Variants in DOCK6 observed in about 807,000 individuals in gnomAD.
DOCK6 encodes the protein dedicator of cytokinesis protein 6.
Under a neutral mutation model 230.3 loss-of-function variants are expected in DOCK6, and 167 were observed. The ratio of observed to expected loss-of-function variants is 0.73; its 90% CI spans 0.64 to 0.82. The LOEUF is 0.82. Among genes scored for constraint, DOCK6 ranks in the 40% least tolerant of loss-of-function variants. The probability of loss-of-function intolerance (pLI) is 0.00; values close to 1 mark genes in which losing one functional copy is unlikely to be tolerated. For synonymous variants in DOCK6, 1,148 were observed against 1,185.0 expected (o/e 0.97, Z 0.64); for missense variants, 2,598 against 2,825.8 (o/e 0.92, Z 1.83).
At chr19:11,203,931 A>G (rs1421724999) in intron 41 of DOCK6, 150 bp downstream of exon 41, 26 of 1,033,192 alleles carry the variant, frequency 2.5e-5, no homozygotes, top group Non-Finnish European at 3.4e-5. Context: ...AAGGGAGGGA[A>G]ATAATGGGGT....
chr19:11,243,525 C>T lies in DOCK6; in HGVS notation c.1258+32G>A. The T allele has an allele frequency of 6.4e-7, 1 of 1,570,130 alleles. No individual in the cohort carries two copies. Among genetic ancestry groups the T allele is most frequent in the South Asian group, 1.2e-5 (1 of 85,848 alleles). On this transcript the variant is annotated intron_variant, in intron 11 of 47. Transcript: ENST00000294618. The surrounding 1 kb of genome is among the most constrained non-coding windows in gnomAD (Gnocchi z 6.3). The stretch of plus-strand genomic sequence containing the variant: ...GGCCTGTCAGCACCACCCTTTAGCC[C>T]CGCCCCAAGCCTGTTAGCCCCGCCT...
intron 39 of DOCK6, chr19:11,206,029 A>T (rs2079254692): frequency 6.6e-6 from 1 of 152,186 alleles, no homozygotes; most frequent in Non-Finnish European, 1.5e-5. Flanking sequence ...GGAACACCTG[A>T]CTTCAAGTGT....
intron 1 of DOCK6, among the ~76,000 whole-genome samples, chr19:11,258,577 C>A (rs111712147): frequency 6.6e-6 from 1 of 150,452 alleles, no homozygotes; most frequent in African/African-American, 2.4e-5. Flanking sequence ...GGATTACAGG[C>A]ACCCACCACC....
Position 11,214,552 on chromosome 19 carries a change from C to A in DOCK6, c.4203+1G>T. ...AAGGCAGATGCTGGATCAAGCCCTA[C>A]CTGCACGATGATCTCCAGTGTGTCC... On this transcript the variant is annotated splice_donor_variant, in intron 33 of 47. Transcript: ENST00000294618. LOFTEE classifies it high-confidence loss of function. 1 of 1,613,902 alleles carries A rather than the reference C, an allele frequency of 6.2e-7. No homozygotes were observed. The highest frequency in any genetic ancestry group is 8.5e-7 in the Non-Finnish European group (1 of 1,179,862).
chr19:11,245,718 G>C lies in DOCK6; in HGVS notation c.874-6C>G. The C allele has an allele frequency of 6.2e-7, 1 of 1,604,570 alleles. No individual in the cohort carries two copies. The highest frequency in any genetic ancestry group is 8.5e-7 in the Non-Finnish European group (1 of 1,174,428). ...AAGTAGAAGTTCTCCGAGATCTGGG[G>C]ACACCAGAGGCAGCTGGGCCACCAC... On this transcript the variant is annotated splice_polypyrimidine_tract_variant and splice_region_variant and intron_variant, in intron 8 of 47. Coordinates refer to ENST00000294618, the MANE Select transcript of DOCK6 (RefSeq NM_020812.4).
intron 28 of DOCK6, among the ~76,000 whole-genome samples, chr19:11,219,948 G>A (rs1285703554): frequency 6.6e-6 from 1 of 151,458 alleles, no homozygotes; most frequent in Non-Finnish European, 1.5e-5. Context: ...CAATTTTTTT[G>A]TTTTGTTTTT....
At chr19:11,255,367 C>T (rs993290955) in intron 1 of DOCK6, among the ~76,000 whole-genome samples, 46 of 150,438 alleles carry the variant, frequency 3.1e-4, no homozygotes, top group African/African-American at 1.1e-3. Context: ...TGTAGTGGCA[C>T]GATATCGGCT....
intron 7 of DOCK6, chr19:11,247,695 G>C (rs1267828443): frequency 5.6e-6 from 1 of 179,076 alleles, no homozygotes; most frequent in Non-Finnish European, 1.2e-5. Context: ...GCCAAACCCT[G>C]GATCCCAGCA....
rs930574926 is a variant in DOCK6, at chr19:11,201,283, T to C, written c.5689-231A>G. 6.6e-6 allele frequency among the ~76,000 whole-genome samples: 1 copy of C among 151,998 alleles called. No homozygotes were observed. The highest frequency in any genetic ancestry group is 1.5e-5 in the Non-Finnish European group (1 of 67,968). ...TTACCTCTGGGGTCTCCAGACTTCC[T>C]TGGGTCTGGAGGTAGAGATTTGGAC... On this transcript the variant is annotated intron_variant, in intron 44 of 47. Coordinates refer to ENST00000294618, the MANE Select transcript of DOCK6 (RefSeq NM_020812.4). The surrounding 1 kb of genome is among the most constrained non-coding windows in gnomAD (Gnocchi z 4.3).
chr19:11,238,849 C>G (rs2079893535), intron 14 of DOCK6: 1 of 157,948 alleles, frequency 6.3e-6, no homozygotes, highest in Non-Finnish European at 1.4e-5. Flanking sequence ...ATAATGGGCA[C>G]TTCAGGCCTT....
Position 11,227,456 on chromosome 19 carries a change from G to A in DOCK6, c.2836C>T (p.Leu946=), listed in dbSNP as rs1024073459. 1 of 1,596,700 alleles carries A rather than the reference G, an allele frequency of 6.3e-7. No homozygotes were observed. Among genetic ancestry groups the A allele is most frequent in the Non-Finnish European group, 8.5e-7 (1 of 1,172,288 alleles). The change falls in exon 24 of 48, where the codon CTG becomes TTG. Residue 946 remains leucine, a synonymous_variant. Coordinates refer to ENST00000294618, the MANE Select transcript of DOCK6 (RefSeq NM_020812.4). ...QLMVKSMALH[L]LLGQRLDTPR... ...GTGTCTAGTCGCTGGCCAAGCAGCA[G>A]GTGCAGCGCCATACTCTTCACCTGG...
chr19:11,236,457 G>T lies in DOCK6; in HGVS notation c.2281C>A (p.Leu761Ile). Residue 761 changes from leucine (L) to isoleucine (I), a missense_variant, in exon 20 of 48, where the codon CTT (leucine) becomes ATT (isoleucine). Transcript: ENST00000294618. This position sits in a 1 kb window ranked among gnomAD's most constrained non-coding sequence, Gnocchi z 5.2. ...GGGCTGGCCAGGCGCAGTGCTGCAA[G>T]ACTGGCCCGCAGCTCCTGCTCCACG... ...GNVEQELRASLAALRLASPEP... is the reference protein window; with the variant it reads ...GNVEQELRASIAALRLASPEP... The T allele has an allele frequency of 6.3e-7, 1 of 1,593,464 alleles. No individual in the cohort carries two copies. Among genetic ancestry groups the T allele is most frequent in the South Asian group, 1.1e-5 (1 of 87,396 alleles).
Position 11,223,002 on chromosome 19 carries a change from G to A in DOCK6, c.3060C>T (p.His1020=). The A allele has an allele frequency of 1.2e-6, 2 of 1,613,816 alleles. No individual in the cohort carries two copies. Among genetic ancestry groups the A allele is most frequent in the Non-Finnish European group, 1.7e-6 (2 of 1,179,844 alleles). ...RGFVFSLVRA[H]YKQVATRLQS... Reference sequence around the variant, plus strand: ...CCACGCCCACTCCTACCTGCTTGTAGTGGGCCCGGACCAGGCTGAAGACAA... The same window carrying A: ...CCACGCCCACTCCTACCTGCTTGTAATGGGCCCGGACCAGGCTGAAGACAA... The change falls in exon 25 of 48, where the codon CAC becomes CAT. Residue 1020 remains histidine (H), a synonymous_variant. Transcript: ENST00000294618.
At position 11,262,479 on chromosome 19, in the gene DOCK6, CCCG is replaced by C. The variant is rs755528452; in HGVS notation, c.-42_-40del. ...CGCCGCCGCCGCCCCGGGCCCCGGC[CCCG>C]CCGCCGCCGCCGCCTCCCGGTTCTG... is the stretch of plus-strand genomic sequence containing the variant. On this transcript the variant is annotated 5_prime_UTR_variant, in exon 1 of 48. Coordinates refer to ENST00000294618, the MANE Select transcript of DOCK6 (RefSeq NM_020812.4). 1.6e-4 allele frequency: 176 copies of C among 1,096,474 alleles called. No individual in the cohort carries two copies. Among genetic ancestry groups the C allele is most frequent in the East Asian group, 3.5e-4 (7 of 19,976 alleles). The allele number at this position is 1,096,474 out of a possible 1,614,324, so 67.9% of individuals were successfully genotyped here.
chr19:11,262,162 C>T (rs1033415537), intron 1 of DOCK6, among the ~76,000 whole-genome samples: 1 of 152,074 alleles, frequency 6.6e-6, no homozygotes, highest in Non-Finnish European at 1.5e-5. Context: ...GGCAGAACGG[C>T]AGCCGCCATC....
chr19:11,212,183 G>A, intron 35 of DOCK6, 32 bp from the exon 36 acceptor site: 1 of 1,592,966 alleles, frequency 6.3e-7, no homozygotes, highest in Non-Finnish European at 8.5e-7. Context: ...GGTGGAGCCG[G>A]GAGTCTCAGA....
chr19:11,223,557 A>G (rs1235945391), intron 24 of DOCK6, among the ~76,000 whole-genome samples: 2 of 152,210 alleles, frequency 1.3e-5, no homozygotes, highest in African/African-American at 2.4e-5. Context: ...AGCTATGGTT[A>G]TTTAAATCAC....
chr19:11,258,247 C>T (rs530978007), intron 1 of DOCK6, among the ~76,000 whole-genome samples: 1 of 152,284 alleles, frequency 6.6e-6, no homozygotes, highest in South Asian at 2.1e-4. Flanking sequence ...ATGGATGCAA[C>T]ACCTCATGAT....
chr19:11,242,190 T>A lies in DOCK6; in HGVS notation c.1498A>T (p.Ile500Phe). Reference sequence around the variant, plus strand: ...TGGGGATTTTCAGGAGCCGGAGAAATGTCGATCTTGAGCTGGGCTGGGAAG... The same window carrying A: ...TGGGGATTTTCAGGAGCCGGAGAAAAGTCGATCTTGAGCTGGGCTGGGAAG... ...RPVTAQLKID[I>F]SPAPENPHFC... The change falls in exon 14 of 48, where the codon ATT (isoleucine) becomes TTT (phenylalanine). Residue 500 changes from isoleucine to phenylalanine, a missense_variant. Physicochemically the swap from Ile to Phe is conservative, Grantham distance 21. Coordinates refer to ENST00000294618, the MANE Select transcript of DOCK6 (RefSeq NM_020812.4). The A allele has an allele frequency of 6.8e-7, 1 of 1,463,980 alleles. No individual in the cohort carries two copies. The highest frequency in any genetic ancestry group is 9.0e-7 in the Non-Finnish European group (1 of 1,110,120). The allele number at this position is 1,463,980 out of a possible 1,614,324, so 90.7% of individuals were successfully genotyped here.
Sources: gnomAD v4.1 joint callset for allele counts (sites outside exome capture counted in the v4.1 genomes callset) on GRCh38, gnomAD v4.1.1 for gene constraint, Gnocchi (gnomAD v3.1) non-coding constraint, MANE v1.5 for transcripts, NCBI Gene and HGNC (gene_info 2026-07-23, HGNC 2026-07-21) for gene names.